The following AHCYL2 variants were observed in gnomAD, a reference collection of about 807,000 sequenced individuals.
AHCYL2 encodes the protein adenosylhomocysteinase like 2.
A neutral mutation model predicts 81.4 loss-of-function variants in AHCYL2; 28 were observed. The observed-to-expected ratio is 0.34, with a 90% CI of 0.25 to 0.47. AHCYL2 has a LOEUF of 0.47. Ranked by LOEUF, AHCYL2 falls within the 20% of genes least tolerant of loss-of-function variation. AHCYL2 has a pLI of 1.00. For missense variants in AHCYL2, 551 were observed against 785.1 expected (o/e 0.70, Z 3.56); for synonymous variants, 272 against 290.2 (o/e 0.94, Z 0.64).
intron 1 of AHCYL2, among the ~76,000 whole-genome samples, chr7:129,250,532 T>C (rs976529647): frequency 6.6e-6 from 1 of 152,234 alleles, no homozygotes; most frequent in Non-Finnish European, 1.5e-5. Context: ...ATTTCTTTTC[T>C]TTTCATATTA....
chr7:129,351,381 A>T (rs1033186351), intron 1 of AHCYL2: 1 of 152,322 alleles, frequency 6.6e-6, no homozygotes, highest in Admixed American at 6.5e-5. Flanking sequence ...AAAACACAAA[A>T]ATATACAAGC....
At chr7:129,398,924 C>A (rs1795882306) in intron 5 of AHCYL2, among the ~76,000 whole-genome samples, 1 of 151,854 alleles carries the variant, frequency 6.6e-6, no homozygotes, top group African/African-American at 2.4e-5. Flanking sequence ...GGTGGATCAC[C>A]TGAGGTCAGG....
At chr7:129,379,235 G>A (rs4728162) in intron 1 of AHCYL2, among the ~76,000 whole-genome samples, 4 of 150,612 alleles carry the variant, frequency 2.7e-5, no homozygotes, top group Admixed American at 6.6e-5. Flanking sequence ...AGCCGAGATC[G>A]TGCCACCGCA....
chr7:129,227,197 A>G (rs553645268), intron 1 of AHCYL2, among the ~76,000 whole-genome samples: 58 of 152,180 alleles, frequency 3.8e-4, no homozygotes, highest in Non-Finnish European at 6.9e-4. Flanking sequence ...TTGGCACATA[A>G]AGTCTTAAAT....
At chr7:129,261,109 G>T (rs960233586) in intron 1 of AHCYL2, among the ~76,000 whole-genome samples, 2 of 152,038 alleles carry the variant, frequency 1.3e-5, no homozygotes, top group Admixed American at 6.5e-5. Flanking sequence ...TTTCTTATTC[G>T]CTGTATACTT....
At chr7:129,284,636 T>TG (rs1554474649) in intron 1 of AHCYL2, among the ~76,000 whole-genome samples, 1 of 151,698 alleles carries the variant, frequency 6.6e-6, no homozygotes, top group Non-Finnish European at 1.5e-5. Flanking sequence ...AATAGTTGTT[T>TG]GGGGGCCATC....
chr7:129,232,544 T>G (rs1254817337), intron 1 of AHCYL2, among the ~76,000 whole-genome samples: 1 of 152,230 alleles, frequency 6.6e-6, no homozygotes, highest in Non-Finnish European at 1.5e-5. Flanking sequence ...CCTGTTTGTT[T>G]CAGTCACTAC....
chr7:129,292,294 A>C (rs1260982150), intron 1 of AHCYL2, among the ~76,000 whole-genome samples: 2 of 152,212 alleles, frequency 1.3e-5, no homozygotes, highest in Non-Finnish European at 2.9e-5. Flanking sequence ...ATTGTCATGA[A>C]TTTATGCGTG....
At chr7:129,422,393 C>T (rs1415822406) in intron 12 of AHCYL2, among the ~76,000 whole-genome samples, 1 of 152,144 alleles carries the variant, frequency 6.6e-6, no homozygotes, top group Non-Finnish European at 1.5e-5. Flanking sequence ...TATGTTCCTC[C>T]TTTTTTTCTT....
In AHCYL2 at chr7:129,419,370, A is replaced by G. The variant is rs1206429664; in HGVS notation, c.1462-3470A>G. Among the ~76,000 whole-genome samples, 7 of 152,210 alleles carry G rather than the reference A, an allele frequency of 4.6e-5. No individual in the cohort carries two copies. The highest frequency in any genetic ancestry group is 8.8e-5 in the Non-Finnish European group (6 of 68,034). ...GGAGTTCAAGACCAGCCTGACCAACATGGTGAAACGCCATATCTACTAAAA... is the reference window on the plus strand; with the variant it reads ...GGAGTTCAAGACCAGCCTGACCAACGTGGTGAAACGCCATATCTACTAAAA... On this transcript the variant is annotated intron_variant, in intron 12 of 16. Coordinates refer to ENST00000325006, the MANE Select transcript of AHCYL2 (RefSeq NM_015328.4). This position sits in a 1 kb window ranked among gnomAD's most constrained non-coding sequence, Gnocchi z 4.7.
intron 1 of AHCYL2, among the ~76,000 whole-genome samples, chr7:129,344,953 G>A (rs1351368081): frequency 3.3e-5 from 5 of 152,136 alleles, no homozygotes; most frequent in Non-Finnish European, 5.9e-5. Context: ...TCAGGAGTTC[G>A]AGACTATCCT....
intron 1 of AHCYL2, among the ~76,000 whole-genome samples, chr7:129,274,997 A>G (rs1435065274): frequency 1.3e-5 from 2 of 152,178 alleles, no homozygotes; most frequent in African/African-American, 4.8e-5. Context: ...GTGCCCTGCC[A>G]GAATTTGTGG....
At chr7:129,291,714 G>T (rs1362540056) in intron 1 of AHCYL2, among the ~76,000 whole-genome samples, 2 of 134,232 alleles carry the variant, frequency 1.5e-5, no homozygotes, top group East Asian at 4.5e-4. Flanking sequence ...GCCGTTCTTC[G>T]CCTCAGCCTC....
At chr7:129,358,104 AAAAG>A (rs752986558) in intron 1 of AHCYL2, among the ~76,000 whole-genome samples, 16 of 151,686 alleles carry the variant, frequency 1.1e-4, no homozygotes, top group Non-Finnish European at 1.9e-4. Context: ...TCAGCTTTAA[AAAAG>A]AAAGGCCAGG....
chr7:129,329,042 G>C (rs931687976), intron 1 of AHCYL2, among the ~76,000 whole-genome samples: 3 of 152,188 alleles, frequency 2.0e-5, no homozygotes, highest in Admixed American at 6.5e-5. Context: ...AGCTAGGCCA[G>C]AGGATTGGGT....
At chr7:129,272,922 T>C (rs1353113283) in intron 1 of AHCYL2, among the ~76,000 whole-genome samples, 1 of 152,124 alleles carries the variant, frequency 6.6e-6, no homozygotes, top group Admixed American at 6.6e-5. Context: ...ATTATTATTA[T>C]TATTATTTTG....
At chr7:129,274,831 A>G (rs1420516980) in intron 1 of AHCYL2, among the ~76,000 whole-genome samples, 2 of 152,142 alleles carry the variant, frequency 1.3e-5, no homozygotes, top group Admixed American at 6.5e-5. Context: ...TGAAGGAACC[A>G]TGTTGAATAA....
At chr7:129,339,540 C>G (rs1402594425) in intron 1 of AHCYL2, among the ~76,000 whole-genome samples, 1 of 151,998 alleles carries the variant, frequency 6.6e-6, no homozygotes, top group Non-Finnish European at 1.5e-5. Context: ...ATTCTGGGGA[C>G]TATTTTTTGC....
intron 1 of AHCYL2, among the ~76,000 whole-genome samples, chr7:129,283,592 T>G (rs546580147): frequency 6.6e-6 from 1 of 152,328 alleles, no homozygotes; most frequent in African/African-American, 2.4e-5. Context: ...AAAATTAAGT[T>G]TCACCTTCTT....
Sources: allele counts gnomAD v4.1 joint callset (sites outside exome capture counted in the v4.1 genomes callset), GRCh38; gene constraint gnomAD v4.1.1; non-coding constraint Gnocchi (gnomAD v3.1); transcripts MANE v1.5; gene names NCBI Gene and HGNC (gene_info 2026-07-23, HGNC 2026-07-21).